Variants in GPC5 observed in about 807,000 individuals in gnomAD.
The protein encoded by GPC5 is glypican-5.
In GPC5, 47 loss-of-function variants were observed where a neutral mutation model predicts 53.9. The ratio of observed to expected loss-of-function variants is 0.87; its 90% CI spans 0.69 to 1.11. GPC5 has a LOEUF of 1.11. Among genes scored for constraint, GPC5 ranks in the 50% most tolerant of loss-of-function variants. The pLI is 0.00. For missense variants in GPC5, 748 were observed against 713.1 expected (o/e 1.05, Z -0.56); for synonymous variants, 286 against 263.3 (o/e 1.09, Z -0.84).
intron 6 of GPC5, among the ~76,000 whole-genome samples, chr13:91,914,007 G>A (rs962451869): frequency 1.3e-5 from 2 of 152,118 alleles, no homozygotes; most frequent in African/African-American, 4.8e-5. Context: ...GAGGAAATGC[G>A]AGAGCCTTTT....
intron 5 of GPC5, among the ~76,000 whole-genome samples, chr13:91,856,677 C>T (rs1199644790): frequency 6.6e-6 from 1 of 151,296 alleles, no homozygotes; most frequent in Non-Finnish European, 1.5e-5. Flanking sequence ...TCTTTACATA[C>T]TCAAGCTCTT....
chr13:91,621,786 T>TATATATATATATATATAC (rs2033866632), intron 2 of GPC5, among the ~76,000 whole-genome samples: 1 of 142,090 alleles, frequency 7.0e-6, no homozygotes, highest in Non-Finnish European at 1.5e-5. Flanking sequence ...TATATATATA[T>TATATATATATATATATAC]ATATATGAAG....
At chr13:91,643,280 C>T (rs1425291438) in intron 2 of GPC5, among the ~76,000 whole-genome samples, 2 of 152,070 alleles carry the variant, frequency 1.3e-5, no homozygotes, top group South Asian at 4.1e-4. Context: ...AATTGCATTT[C>T]CATTGTCAAT....
chr13:92,356,863 C>G (rs370005089), intron 7 of GPC5, among the ~76,000 whole-genome samples: 5 of 152,146 alleles, frequency 3.3e-5, no homozygotes, highest in Admixed American at 2.6e-4. Context: ...TTCCTCCTCC[C>G]CACTCCACCT....
chr13:92,039,597 C>A (rs2040925917), intron 6 of GPC5, among the ~76,000 whole-genome samples: 1 of 152,332 alleles, frequency 6.6e-6, no homozygotes, highest in African/African-American at 2.4e-5. Context: ...GCTGCCATAA[C>A]AAACTACCAC....
At chr13:92,630,777 A>G (rs984152597) in intron 7 of GPC5, among the ~76,000 whole-genome samples, 3 of 152,122 alleles carry the variant, frequency 2.0e-5, no homozygotes. Context: ...TGGTGTCTCA[A>G]CTTGTCCTAG....
chr13:91,832,134 TG>T (rs1464232434), intron 5 of GPC5, among the ~76,000 whole-genome samples: 1 of 151,984 alleles, frequency 6.6e-6, no homozygotes, highest in African/African-American at 2.4e-5. Flanking sequence ...TTTTTGAATC[TG>T]GGTGCTCCTG....
chr13:92,573,797 A>G (rs556590707), intron 7 of GPC5, among the ~76,000 whole-genome samples: 7 of 152,254 alleles, frequency 4.6e-5, no homozygotes, highest in African/African-American at 1.4e-4. Flanking sequence ...AGCCCTCCCA[A>G]TGTGGACACT....
chr13:92,427,981 G>C (rs538125077), intron 7 of GPC5, among the ~76,000 whole-genome samples: 2 of 152,250 alleles, frequency 1.3e-5, no homozygotes, highest in South Asian at 4.1e-4. Context: ...TAATTGAGTA[G>C]TTTTCAGACA....
rs76567804 is a variant in GPC5, at chr13:91,882,898, A to G, written c.1281-25039A>G. 4.8e-3 allele frequency among the ~76,000 whole-genome samples: 729 copies of G among 152,180 alleles called. 9 individuals are homozygous for G. The highest frequency in any genetic ancestry group is 0.017 in the African/African-American group (710 of 41,500). On this transcript the variant is annotated intron_variant, in intron 5 of 7. Transcript: ENST00000377067. ...ATACAAATAAATAAATCAGGAAAGG[A>G]AGCTAGAGATTGGTGGCAGTAGAGG...
intron 5 of GPC5, among the ~76,000 whole-genome samples, chr13:91,758,595 T>A (rs1410967788): frequency 1.3e-5 from 2 of 152,158 alleles, no homozygotes; most frequent in African/African-American, 2.4e-5. Context: ...TATTTTATTC[T>A]ACATAATATA....
intron 7 of GPC5, among the ~76,000 whole-genome samples, chr13:92,224,583 T>G (rs1184153596): frequency 6.6e-6 from 1 of 152,226 alleles, no homozygotes; most frequent in Non-Finnish European, 1.5e-5. Context: ...CCAAAACTAC[T>G]TGTACAAACA....
intron 2 of GPC5, among the ~76,000 whole-genome samples, chr13:91,550,537 A>G (rs1308482676): frequency 6.6e-6 from 1 of 152,160 alleles, no homozygotes; most frequent in African/African-American, 2.4e-5. Context: ...ATATTGGTAC[A>G]AGAGTTAAGG....
chr13:91,407,317 A>G (rs1300162731), intron 1 of GPC5, among the ~76,000 whole-genome samples: 1 of 152,204 alleles, frequency 6.6e-6, no homozygotes, highest in Non-Finnish European at 1.5e-5. Flanking sequence ...TCTGCTATCT[A>G]ACATTTTTGA....
At chr13:92,442,287 C>A (rs990564506) in intron 7 of GPC5, among the ~76,000 whole-genome samples, 8 of 152,124 alleles carry the variant, frequency 5.3e-5, no homozygotes, top group Admixed American at 2.0e-4. Context: ...TTATCTCACT[C>A]TTTCTTGCTA....
At chr13:91,707,896 A>G (rs1428456586) in intron 3 of GPC5, among the ~76,000 whole-genome samples, 2 of 152,226 alleles carry the variant, frequency 1.3e-5, no homozygotes, top group Admixed American at 6.5e-5. Flanking sequence ...AAAAACTGGA[A>G]ACAGTCTAAA....
At chr13:92,733,963 G>A (rs1888873559) in intron 7 of GPC5, among the ~76,000 whole-genome samples, 1 of 151,772 alleles carries the variant, frequency 6.6e-6, no homozygotes. Flanking sequence ...AAATCTAGAA[G>A]TGTTAAATGT....
intron 7 of GPC5, among the ~76,000 whole-genome samples, chr13:92,310,569 T>C (rs1224507374): frequency 1.3e-5 from 2 of 152,290 alleles, no homozygotes; most frequent in South Asian, 2.1e-4. Context: ...ATAAAACTAT[T>C]TGTACACACT....
At chr13:92,550,739 G>T (rs114209465) in intron 7 of GPC5, among the ~76,000 whole-genome samples, 2 of 151,740 alleles carry the variant, frequency 1.3e-5, no homozygotes, top group Admixed American at 6.6e-5. Context: ...GATTGATGGC[G>T]CTTGGAAAGA....
Sources: allele counts gnomAD v4.1 joint callset (sites outside exome capture counted in the v4.1 genomes callset), GRCh38; gene constraint gnomAD v4.1.1; transcripts MANE v1.5; gene names NCBI Gene and HGNC (gene_info 2026-07-23, HGNC 2026-07-21).